SMOC2: variants seen among roughly 807,000 people sequenced by gnomAD.
The protein encoded by SMOC2 is SPARC-related modular calcium-binding protein 2.
SMOC2 carries 39 observed loss-of-function variants against 61.4 expected under a neutral mutation model. That is an observed-to-expected ratio of 0.64 (90% CI 0.49 to 0.83). The LOEUF is 0.83. SMOC2 is among the 40% of genes least tolerant of loss of function. The pLI, the probability that SMOC2 is intolerant of heterozygous loss-of-function variation, is 0.00. For synonymous variants in SMOC2, 247 were observed against 239.9 expected, an observed-to-expected ratio of 1.03 and a Z score of -0.27; for missense variants, 556 against 592.9, an observed-to-expected ratio of 0.94 and a Z score of 0.65.
intron 4 of SMOC2, among the ~76,000 whole-genome samples, chr6:168,536,857 G>A (rs546365040): frequency 1.3e-5 from 2 of 152,336 alleles, no homozygotes; most frequent in Middle Eastern, 3.4e-3. Context: ...CGGTGAAGTC[G>A]GATAGAGCAG....
rs535903248 is a variant in SMOC2 at position 168,555,283 on chromosome 6, C to T, written c.637+6080C>T. 5.3e-5 allele frequency among the ~76,000 whole-genome samples: 8 copies of T among 152,360 alleles called. No individual in the cohort carries two copies. In the East Asian group the frequency reaches 1.4e-3, roughly 26 times the overall value. The stretch of plus-strand genomic sequence containing the variant: ...AGCACATATTGCAAAAGCGGTTCAA[C>T]GCGCGGAGAAATTCACCCACTCTTG... On this transcript the variant is annotated intron_variant, in intron 7 of 12. Coordinates refer to ENST00000356284, the MANE Select transcript of SMOC2 (RefSeq NM_001166412.2).
rs970607285 is a variant in SMOC2, at chr6:168,631,141, G to A, written c.908-19540G>A. Among the ~76,000 whole-genome samples the A allele has an allele frequency of 3.6e-3, 549 of 151,918 alleles. 4 individuals are homozygous for A. The highest frequency in any genetic ancestry group is 0.013 in the African/African-American group (538 of 41,538). On this transcript the variant is annotated intron_variant, in intron 9 of 12. Coordinates refer to ENST00000356284, the MANE Select transcript of SMOC2 (RefSeq NM_001166412.2). ...AAAAACTTGCTGGTTTTTGTGGCTT[G>A]TGGGGCATCACGGATCCTACCAACG...
rs200513013 is a variant in SMOC2, at chr6:168,528,281, T to TTTTG, written c.463+554_463+555insTTTG. Among the ~76,000 whole-genome samples the TTTTG allele has an allele frequency of 4.4e-4, 66 of 150,620 alleles. 1 individual carries two copies. The highest frequency in any genetic ancestry group is 3.2e-3 in the East Asian group (16 of 5,036). On this transcript the variant is annotated intron_variant, in intron 4 of 12. Transcript: ENST00000356284. Reference sequence around the variant, plus strand: ...TTCCCATTAGTGTTTTTTTTTTTTTTGCCAATAGTGCTGTAAATGATTTAG... The same window carrying TTTTG: ...TTCCCATTAGTGTTTTTTTTTTTTTTTTTGGCCAATAGTGCTGTAAATGATTTAG...
At chr6:168,649,929 G>A (rs755006818) in intron 9 of SMOC2, among the ~76,000 whole-genome samples, 1 of 152,190 alleles carries the variant, frequency 6.6e-6, no homozygotes, top group Non-Finnish European at 1.5e-5. Flanking sequence ...GAAAGTGGAT[G>A]GCTTCTTTCA....
At chr6:168,526,718 T>G (rs527683986) in intron 3 of SMOC2, among the ~76,000 whole-genome samples, 1 of 152,242 alleles carries the variant, frequency 6.6e-6, no homozygotes, top group Non-Finnish European at 1.5e-5. Flanking sequence ...TTCATTACTA[T>G]GAATTTAGCC....
chr6:168,453,229 C>T lies in SMOC2; in HGVS notation c.84+11775C>T, dbSNP rs1377204194. Among the ~76,000 whole-genome samples, 3 of 151,928 alleles carry T rather than the reference C, an allele frequency of 2.0e-5. No individual in the cohort carries two copies. Among genetic ancestry groups the T allele is most frequent in the Non-Finnish European group, 2.9e-5 (2 of 67,970 alleles). ...TGCGGGCGGGGGTGGGGGAGGAACT[C>T]GGGACCCAGGGCTGTGCCCCAAGAG... On this transcript the variant is annotated intron_variant, in intron 1 of 12. Coordinates refer to ENST00000356284, the MANE Select transcript of SMOC2 (RefSeq NM_001166412.2). The surrounding 1 kb of genome is among the most constrained non-coding windows in gnomAD (Gnocchi z 4.4).
At chr6:168,637,129 A>G (rs148088604) in intron 9 of SMOC2, among the ~76,000 whole-genome samples, 39 of 152,064 alleles carry the variant, frequency 2.6e-4, no homozygotes, top group African/African-American at 9.4e-4. Flanking sequence ...AGGTAGTTGG[A>G]CCAGAGGGTC....
chr6:168,577,163 C>T (rs534030083), intron 7 of SMOC2, among the ~76,000 whole-genome samples: 2 of 151,938 alleles, frequency 1.3e-5, no homozygotes, highest in East Asian at 1.9e-4. Context: ...TGGACCAGGA[C>T]GCCATCTAAA....
At chr6:168,486,802 A>G (rs973525593) in intron 1 of SMOC2, among the ~76,000 whole-genome samples, 1 of 152,146 alleles carries the variant, frequency 6.6e-6, no homozygotes, top group East Asian at 1.9e-4. Context: ...ACTCTCTGCT[A>G]TCCAAATCCA....
intron 7 of SMOC2, among the ~76,000 whole-genome samples, chr6:168,554,587 G>A (rs1345370387): frequency 1.3e-5 from 2 of 152,230 alleles, no homozygotes; most frequent in East Asian, 1.9e-4. Flanking sequence ...CTGGGACTGC[G>A]TGTCCTGGAA....
chr6:168,547,115 T>C lies in SMOC2; in HGVS notation c.512-4T>C, dbSNP rs1337751729. The C allele has an allele frequency of 2.5e-6, 4 of 1,614,022 alleles. No individual in the cohort carries two copies. ...CTTGCAAATCTTTTCCGTTCTGAATTCAGATGATGCCGCAGCTCCAGCGTT... is the reference window on the plus strand; with the variant it reads ...CTTGCAAATCTTTTCCGTTCTGAATCCAGATGATGCCGCAGCTCCAGCGTT... On this transcript the variant is annotated splice_polypyrimidine_tract_variant and splice_region_variant and intron_variant, in intron 5 of 12. Coordinates refer to ENST00000356284, the MANE Select transcript of SMOC2 (RefSeq NM_001166412.2).
At chr6:168,655,398 A>G in intron 11 of SMOC2, 1 of 456,692 alleles carries the variant, frequency 2.2e-6, no homozygotes, top group Non-Finnish European at 4.4e-6. Flanking sequence ...CGTGACAGGA[A>G]GTAAGAGAAA....
intron 9 of SMOC2, among the ~76,000 whole-genome samples, chr6:168,626,970 G>A (rs910868035): frequency 6.6e-6 from 1 of 152,160 alleles, no homozygotes; most frequent in Non-Finnish European, 1.5e-5. Context: ...TTTGATTATA[G>A]GAGTCTTAGT....
At chr6:168,627,966 C>G (rs1786457489) in intron 9 of SMOC2, among the ~76,000 whole-genome samples, 2 of 152,160 alleles carry the variant, frequency 1.3e-5, no homozygotes, top group South Asian at 4.2e-4. Context: ...CACGGAGAAG[C>G]CTTCTGTGTG....
chr6:168,624,940 CACAA>C (rs1786360382), intron 9 of SMOC2, among the ~76,000 whole-genome samples: 1 of 152,030 alleles, frequency 6.6e-6, no homozygotes, highest in Non-Finnish European at 1.5e-5. Context: ...CACACAGACA[CACAA>C]ACACATGCAC....
chr6:168,545,599 A>G (rs9456179), intron 5 of SMOC2, among the ~76,000 whole-genome samples: 3,580 of 152,288 alleles, frequency 0.024, 136 homozygotes, highest in African/African-American at 0.081. Context: ...GGCAGGAAGG[A>G]GAGCGGCCTC....
At chr6:168,657,160 G>C (rs939692776) in intron 11 of SMOC2, among the ~76,000 whole-genome samples, 3 of 152,224 alleles carry the variant, frequency 2.0e-5, no homozygotes, top group Admixed American at 2.0e-4. Flanking sequence ...GTCTGGCAAG[G>C]CTCATGATCC....
chr6:168,526,436 ACGG>A lies in SMOC2; in HGVS notation c.349_351del (p.Gly117del). On this transcript the variant is annotated inframe_deletion, in exon 3 of 13. Coordinates refer to ENST00000356284, the MANE Select transcript of SMOC2 (RefSeq NM_001166412.2). Reference sequence around the variant, plus strand: ...GTGTTCATTCCTGAGTGCAATGACGACGGCACCTACAGTCAGGTTACCGGCCTT... The same window carrying A: ...GTGTTCATTCCTGAGTGCAATGACGACACCTACAGTCAGGTTACCGGCCTT... 6.2e-7 allele frequency: 1 copy of A among 1,614,068 alleles called. No individual in the cohort carries two copies. Among genetic ancestry groups the A allele is most frequent in the Non-Finnish European group, 8.5e-7 (1 of 1,179,984 alleles).
At position 168,503,728 on chromosome 6, in the gene SMOC2, G is replaced by C. The variant is rs561162201; in HGVS notation, c.85-6187G>C. Among the ~76,000 whole-genome samples the C allele has an allele frequency of 3.9e-5, 6 of 152,250 alleles. No homozygotes were observed. In the East Asian group the frequency reaches 1.2e-3, roughly 29 times the overall value. On this transcript the variant is annotated intron_variant, in intron 1 of 12. Coordinates refer to ENST00000356284, the MANE Select transcript of SMOC2 (RefSeq NM_001166412.2). Reference sequence around the variant, plus strand: ...CAGCGGCACCACCCATTTGTGCTAGGAACATGATGCCGGCTCAGTGTCCCG... The same window carrying C: ...CAGCGGCACCACCCATTTGTGCTAGCAACATGATGCCGGCTCAGTGTCCCG...
Sources: allele counts gnomAD v4.1 joint callset (sites outside exome capture counted in the v4.1 genomes callset), GRCh38; gene constraint gnomAD v4.1.1; non-coding constraint Gnocchi (gnomAD v3.1); transcripts MANE v1.5; gene names NCBI Gene and HGNC (gene_info 2026-07-23, HGNC 2026-07-21).